Variants in SAMD5 observed in about 807,000 individuals in gnomAD.
The protein encoded by SAMD5 is sterile alpha motif domain-containing protein 5.
A neutral mutation model predicts 11.3 loss-of-function variants in SAMD5; 13 were observed. The ratio of observed to expected loss-of-function variants is 1.15; its 90% CI spans 0.75 to 1.83. The LOEUF is 1.83. Ranked by LOEUF, SAMD5 falls within the 40% of genes most tolerant of loss-of-function variation. The pLI is 0.00. For missense variants in SAMD5, 255 were observed against 239.1 expected, an observed-to-expected ratio of 1.07 and a Z score of -0.44; for synonymous variants, 129 against 111.3, an observed-to-expected ratio of 1.16 and a Z score of -1.00.
At chr6:147,717,279 G>A (rs1384431489) in intron 1 of SAMD5, among the ~76,000 whole-genome samples, 2 of 152,174 alleles carry the variant, frequency 1.3e-5, no homozygotes, top group Admixed American at 6.5e-5. Context: ...TTCCAAAATG[G>A]ACAACTGGTC....
At chr6:147,681,322 A>G (rs1429457911) in intron 1 of SAMD5, among the ~76,000 whole-genome samples, 1 of 151,974 alleles carries the variant, frequency 6.6e-6, no homozygotes, top group African/African-American at 2.4e-5. Context: ...ATCTGCTGTT[A>G]GTTGCATCCA....
chr6:147,698,454 T>C (rs1285800440), intron 1 of SAMD5, among the ~76,000 whole-genome samples: 1 of 152,196 alleles, frequency 6.6e-6, no homozygotes, highest in African/African-American at 2.4e-5. Context: ...AACTCCTCCT[T>C]GTTTTTCAAC....
chr6:147,818,690 C>T, the SAMD5 span, among the ~76,000 whole-genome samples: 1 of 152,060 alleles, frequency 6.6e-6, no homozygotes, highest in Admixed American at 6.6e-5. Context: ...ATTCAATATC[C>T]ACAACGCCAA....
intron 1 of SAMD5, among the ~76,000 whole-genome samples, chr6:147,530,845 T>G (rs1297461295): frequency 6.6e-6 from 1 of 152,246 alleles, no homozygotes; most frequent in Non-Finnish European, 1.5e-5. Context: ...CCTTCTTTGC[T>G]GTTTCTACTG....
chr6:147,688,272 G>A (rs1304975627), intron 1 of SAMD5, among the ~76,000 whole-genome samples: 1 of 151,638 alleles, frequency 6.6e-6, no homozygotes, highest in African/African-American at 2.4e-5. Flanking sequence ...TCTTTCTCTT[G>A]TGTTCACTTT....
At chr6:147,693,846 G>A (rs2128457251) in intron 1 of SAMD5, among the ~76,000 whole-genome samples, 1 of 152,282 alleles carries the variant, frequency 6.6e-6, no homozygotes, top group African/African-American at 2.4e-5. Context: ...GCGGGCATCT[G>A]TAATCCCAGC....
chr6:147,525,704 C>G (rs1286376240), intron 1 of SAMD5, among the ~76,000 whole-genome samples: 2 of 152,072 alleles, frequency 1.3e-5, no homozygotes, highest in Non-Finnish European at 2.9e-5. Flanking sequence ...AAATCAACAC[C>G]TATGTCACAA....
At chr6:147,594,304 T>C (rs1257560356) in intron 1 of SAMD5, among the ~76,000 whole-genome samples, 1 of 152,158 alleles carries the variant, frequency 6.6e-6, no homozygotes, top group Non-Finnish European at 1.5e-5. Context: ...CGATCAGAGT[T>C]AGGTAAGAGC....
At chr6:147,867,617 AG>A in the SAMD5 span, among the ~76,000 whole-genome samples, 2 of 152,134 alleles carry the variant, frequency 1.3e-5, no homozygotes, top group Non-Finnish European at 1.5e-5. Flanking sequence ...GCCGAGGCCA[AG>A]GGGTCTCCTT....
intron 1 of SAMD5, among the ~76,000 whole-genome samples, chr6:147,592,421 A>G (rs529190599): frequency 5.3e-5 from 8 of 152,138 alleles, no homozygotes; most frequent in East Asian, 1.9e-4. Flanking sequence ...GGCACTTCAC[A>G]TGGTCGCAGA....
the SAMD5 span, among the ~76,000 whole-genome samples, chr6:147,939,736 A>T: frequency 2.0e-5 from 3 of 152,200 alleles, no homozygotes; most frequent in Admixed American, 6.5e-5. Flanking sequence ...GGCTTCCCAG[A>T]CAACAAAGTG....
At chr6:147,622,357 T>G (rs1789983754) in intron 1 of SAMD5, among the ~76,000 whole-genome samples, 1 of 152,260 alleles carries the variant, frequency 6.6e-6, no homozygotes, top group African/African-American at 2.4e-5. Context: ...ATTTTTATTT[T>G]TCTATTGTGG....
intron 1 of SAMD5, among the ~76,000 whole-genome samples, chr6:147,734,483 G>A (rs968623624): frequency 6.6e-6 from 1 of 152,012 alleles, no homozygotes; most frequent in Non-Finnish European, 1.5e-5. Context: ...CTGGGAGACC[G>A]AGGCGGGCGG....
chr6:147,862,172 A>G, the SAMD5 span, among the ~76,000 whole-genome samples: 1 of 151,958 alleles, frequency 6.6e-6, no homozygotes, highest in Non-Finnish European at 1.5e-5. Context: ...TTTTAAATAG[A>G]TAATTATTTT....
the SAMD5 span, among the ~76,000 whole-genome samples, chr6:147,908,919 G>A: frequency 7.2e-6 from 1 of 139,674 alleles, no homozygotes; most frequent in Non-Finnish European, 1.5e-5. Flanking sequence ...ATCTAAACTA[G>A]GCCTCAGGCT....
the SAMD5 span, among the ~76,000 whole-genome samples, chr6:147,842,050 G>C: frequency 1.3e-5 from 2 of 152,116 alleles, no homozygotes; most frequent in African/African-American, 4.8e-5. Flanking sequence ...CTAAATGCTT[G>C]TGCTTTCTTC....
At chr6:147,717,016 C>T (rs937558831) in intron 1 of SAMD5, among the ~76,000 whole-genome samples, 1 of 152,172 alleles carries the variant, frequency 6.6e-6, no homozygotes, top group Non-Finnish European at 1.5e-5. Flanking sequence ...AAAATGTAAA[C>T]CATATCACAT....
chr6:147,611,701 T>G (rs891078301), intron 1 of SAMD5, among the ~76,000 whole-genome samples: 14 of 152,140 alleles, frequency 9.2e-5, no homozygotes, highest in Admixed American at 1.3e-4. Context: ...GTTGAGCCAG[T>G]CTTGAGCTTT....
chr6:147,758,689 C>A, the SAMD5 span, among the ~76,000 whole-genome samples: 1 of 152,156 alleles, frequency 6.6e-6, no homozygotes, highest in African/African-American at 2.4e-5. Flanking sequence ...CATACCTTCT[C>A]CCCAGTCAAA....
Sources: gnomAD v4.1 joint callset for allele counts (sites outside exome capture counted in the v4.1 genomes callset) on GRCh38, gnomAD v4.1.1 for gene constraint, MANE v1.5 for transcripts, NCBI Gene and HGNC (gene_info 2026-07-23, HGNC 2026-07-21) for gene names.